Variants in TMTC2 observed in about 807,000 individuals in gnomAD.
The protein encoded by TMTC2 is protein O-mannosyl-transferase TMTC2.
TMTC2 carries 43 observed loss-of-function variants against 82.4 expected under a neutral mutation model. The ratio of observed to expected loss-of-function variants is 0.52; its 90% confidence interval spans 0.41 to 0.67. The LOEUF is 0.67. Ranked by LOEUF, TMTC2 falls within the 30% of genes least tolerant of loss-of-function variation. The pLI is 0.00. For synonymous variants in TMTC2, 408 were observed against 381.9 expected (o/e 1.07, Z -0.80); for missense variants, 919 against 1,012.4 (o/e 0.91, Z 1.25).
intron 1 of TMTC2, among the ~76,000 whole-genome samples, chr12:82,819,616 C>T (rs1395509722): frequency 1.3e-5 from 2 of 151,510 alleles, no homozygotes; most frequent in East Asian, 3.9e-4. Flanking sequence ...ATTCTCCTGC[C>T]TCAGCCTCTT....
intron 2 of TMTC2, among the ~76,000 whole-genome samples, chr12:82,862,246 G>A (rs917038572): frequency 1.8e-4 from 28 of 152,170 alleles, no homozygotes; most frequent in Non-Finnish European, 3.4e-4. Context: ...CATGACCCCA[G>A]GAAGTACATG....
At chr12:83,047,162 C>G (rs1436414917) in intron 9 of TMTC2, among the ~76,000 whole-genome samples, 4 of 152,020 alleles carry the variant, frequency 2.6e-5, no homozygotes, top group Non-Finnish European at 5.9e-5. Flanking sequence ...ATGGGAAGCC[C>G]AATTAATAGT....
intron 2 of TMTC2, among the ~76,000 whole-genome samples, chr12:82,881,054 G>T (rs1327458014): frequency 6.6e-6 from 1 of 151,884 alleles, no homozygotes; most frequent in Non-Finnish European, 1.5e-5. Flanking sequence ...ACATCTTAAT[G>T]AAAAAAATAC....
intron 8 of TMTC2, among the ~76,000 whole-genome samples, chr12:83,009,277 G>T (rs1233561858): frequency 6.6e-6 from 1 of 151,938 alleles, no homozygotes; most frequent in Non-Finnish European, 1.5e-5. Context: ...ATCTTTTTTT[G>T]TTCTTCACTA....
chr12:82,751,178 A>G (rs1286041748), intron 1 of TMTC2, among the ~76,000 whole-genome samples: 1 of 152,226 alleles, frequency 6.6e-6, no homozygotes, highest in African/African-American at 2.4e-5. Context: ...AAAATGTGGC[A>G]CATATACACA....
intron 2 of TMTC2, among the ~76,000 whole-genome samples, chr12:82,889,451 C>T (rs1376390043): frequency 6.6e-6 from 1 of 152,016 alleles, no homozygotes; most frequent in African/African-American, 2.4e-5. Flanking sequence ...GGGAGCCACA[C>T]ACAGATGGGG....
At chr12:82,826,226 G>A (rs930158381) in intron 1 of TMTC2, among the ~76,000 whole-genome samples, 10 of 152,052 alleles carry the variant, frequency 6.6e-5, no homozygotes, top group African/African-American at 1.9e-4. Context: ...ATGTATATCC[G>A]GTACTCATCC....
At chr12:82,745,190 G>T (rs1451250729) in intron 1 of TMTC2, among the ~76,000 whole-genome samples, 1 of 151,804 alleles carries the variant, frequency 6.6e-6, no homozygotes, top group Non-Finnish European at 1.5e-5. Context: ...CATTCCTCAA[G>T]CAGAACTCAG....
chr12:82,966,291 C>A (rs900210410), intron 6 of TMTC2, among the ~76,000 whole-genome samples: 47 of 152,160 alleles, frequency 3.1e-4, no homozygotes, highest in African/African-American at 1.1e-3. Flanking sequence ...CAGGATGTTG[C>A]ACAGTAAGTT....
At chr12:82,728,716 T>G (rs1874592449) in intron 1 of TMTC2, among the ~76,000 whole-genome samples, 1 of 152,196 alleles carries the variant, frequency 6.6e-6, no homozygotes, top group South Asian at 2.1e-4. Context: ...GGGAGCCCCT[T>G]TCTGGGCTGG....
chr12:83,034,929 A>G (rs1021683636), intron 9 of TMTC2, among the ~76,000 whole-genome samples: 7 of 152,214 alleles, frequency 4.6e-5, no homozygotes, highest in Non-Finnish European at 1.0e-4. Flanking sequence ...GGTTATAGAT[A>G]TTCTTAGATT....
At chr12:82,816,230 G>A (rs1412516813) in intron 1 of TMTC2, among the ~76,000 whole-genome samples, 2 of 150,292 alleles carry the variant, frequency 1.3e-5, no homozygotes, top group African/African-American at 4.9e-5. Context: ...TTCTCTAAAT[G>A]TGTAGACCTC....
chr12:82,748,094 C>T lies in TMTC2; in HGVS notation c.83+60425C>T, dbSNP rs113831887. 5.7e-3 allele frequency among the ~76,000 whole-genome samples: 861 copies of T among 151,570 alleles called. 5 individuals are homozygous for T. The highest frequency in any genetic ancestry group is 0.019 in the African/African-American group (797 of 41,282). ...GGGAGGCTGAGGCGGGTGGATCACGCGGTCAGGAGATTGAGACCATCCTGG... is the reference window on the plus strand; with the variant it reads ...GGGAGGCTGAGGCGGGTGGATCACGTGGTCAGGAGATTGAGACCATCCTGG... On this transcript the variant is annotated intron_variant, in intron 1 of 11. Coordinates refer to ENST00000321196, the MANE Select transcript of TMTC2 (RefSeq NM_152588.3).
At chr12:83,116,903 A>G (rs1884781236) in intron 11 of TMTC2, among the ~76,000 whole-genome samples, 1 of 151,760 alleles carries the variant, frequency 6.6e-6, no homozygotes. Flanking sequence ...CTGCTGTTAC[A>G]TTTGCTGTGC....
intron 4 of TMTC2, among the ~76,000 whole-genome samples, chr12:82,949,952 C>A (rs985841025): frequency 1.3e-5 from 2 of 152,048 alleles, no homozygotes; most frequent in Admixed American, 6.6e-5. Flanking sequence ...GTTTATCTCA[C>A]GATGCAAATT....
chr12:83,000,225 C>A (rs942787263), intron 8 of TMTC2, among the ~76,000 whole-genome samples: 1 of 152,110 alleles, frequency 6.6e-6, no homozygotes, highest in Admixed American at 6.5e-5. Flanking sequence ...ACCTCCACCT[C>A]CCTAGTTCAA....
chr12:82,877,823 C>T (rs6539696), intron 2 of TMTC2, among the ~76,000 whole-genome samples: 22,130 of 152,110 alleles, frequency 0.15, 4,928 homozygotes, highest in African/African-American at 0.48. Context: ...CCAATTAATA[C>T]AGTACCCAGT....
At chr12:83,012,400 G>T (rs962510123) in intron 8 of TMTC2, among the ~76,000 whole-genome samples, 2 of 152,126 alleles carry the variant, frequency 1.3e-5, no homozygotes, top group Admixed American at 6.6e-5. Flanking sequence ...AGAGTCTGTA[G>T]AAGATATCTT....
At chr12:82,901,299 TA>T (rs200821351) in intron 3 of TMTC2, among the ~76,000 whole-genome samples, 17,164 of 112,918 alleles carry the variant, frequency 0.15, 2,854 homozygotes, top group African/African-American at 0.34. Context: ...TATATATATA[TA>T]TTTTTTTTTC....
Sources: gnomAD v4.1 joint callset for allele counts (sites outside exome capture counted in the v4.1 genomes callset) on GRCh38, gnomAD v4.1.1 for gene constraint, MANE v1.5 for transcripts, NCBI Gene and HGNC (gene_info 2026-07-23, HGNC 2026-07-21) for gene names.